Variants in TBC1D5 observed in about 807,000 individuals in gnomAD.
TBC1D5 encodes the protein TBC1 domain family member 5.
TBC1D5 carries 75 observed loss-of-function variants against 100.3 expected under a neutral mutation model. That is an observed-to-expected ratio of 0.75 (90% CI 0.62 to 0.91). The LOEUF (loss-of-function observed/expected upper bound fraction) is 0.91, where lower values mean the gene tolerates loss of function less well. TBC1D5 is among the 40% of genes least tolerant of loss of function. The pLI is 0.00. For synonymous variants in TBC1D5, 323 were observed against 325.6 expected (o/e 0.99, Z 0.09); for missense variants, 910 against 942.4 (o/e 0.97, Z 0.45).
intron 13 of TBC1D5, among the ~76,000 whole-genome samples, chr3:17,363,537 ATTTTTTCTT>A (rs2091886001): frequency 2.7e-5 from 4 of 150,380 alleles, no homozygotes; most frequent in Admixed American, 2.6e-4. Flanking sequence ...TACCTGGCTA[ATTTTTTCTT>A]TTTTTTCTTT....
chr3:17,174,366 C>T (rs2067485269), intron 19 of TBC1D5, among the ~76,000 whole-genome samples: 1 of 152,090 alleles, frequency 6.6e-6, no homozygotes, highest in Non-Finnish European at 1.5e-5. Flanking sequence ...ACTTTGAAAC[C>T]CCACTGCTCC....
At chr3:17,220,971 G>C (rs1326937259) in intron 17 of TBC1D5, among the ~76,000 whole-genome samples, 4 of 152,114 alleles carry the variant, frequency 2.6e-5, no homozygotes, top group Non-Finnish European at 5.9e-5. Flanking sequence ...TACCCCTCCA[G>C]TGTTAGTGAT....
chr3:17,701,210 T>C (rs765900758), intron 1 of TBC1D5, among the ~76,000 whole-genome samples: 16 of 152,114 alleles, frequency 1.1e-4, no homozygotes, highest in South Asian at 2.1e-4. Flanking sequence ...ACCATCATTC[T>C]CAGCAAACTA....
chr3:17,390,200 G>A (rs1375105400), intron 8 of TBC1D5, among the ~76,000 whole-genome samples: 1 of 152,058 alleles, frequency 6.6e-6, no homozygotes, highest in Non-Finnish European at 1.5e-5. Flanking sequence ...TGAAAAGTGA[G>A]GGATGGAGAA....
chr3:17,705,044 CG>C (rs2073861382), intron 1 of TBC1D5, among the ~76,000 whole-genome samples: 1 of 114,278 alleles, frequency 8.8e-6, no homozygotes, highest in South Asian at 3.2e-4. Flanking sequence ...GCTGGCCAGG[CG>C]GGGGGCTGAC....
chr3:17,732,591 T>G (rs1032063309), intron 1 of TBC1D5, among the ~76,000 whole-genome samples: 9 of 151,132 alleles, frequency 6.0e-5, no homozygotes, highest in African/African-American at 2.2e-4. Context: ...ATACAAAAAT[T>G]TGCCAGGCCT....
intron 1 of TBC1D5, among the ~76,000 whole-genome samples, chr3:17,655,568 T>TAA (rs2065986422): frequency 6.6e-6 from 1 of 152,112 alleles, no homozygotes; most frequent in South Asian, 2.1e-4. Flanking sequence ...ATACTATATA[T>TAA]AACCATAATC....
chr3:17,555,159 T>C (rs1039734182), intron 2 of TBC1D5, among the ~76,000 whole-genome samples: 1 of 152,172 alleles, frequency 6.6e-6, no homozygotes, highest in Non-Finnish European at 1.5e-5. Flanking sequence ...TTGTGCTTTT[T>C]TTTTTCTAAT....
intron 15 of TBC1D5, among the ~76,000 whole-genome samples, chr3:17,269,159 G>A (rs1397734903): frequency 2.0e-5 from 3 of 152,162 alleles, no homozygotes; most frequent in Admixed American, 6.6e-5. Flanking sequence ...CTGGATAGGA[G>A]TAACATTTAG....
At chr3:17,250,799 C>T (rs1250499784) in intron 16 of TBC1D5, among the ~76,000 whole-genome samples, 3 of 152,206 alleles carry the variant, frequency 2.0e-5, no homozygotes, top group Admixed American at 2.0e-4. Context: ...GAAATTCTCA[C>T]TTCCTGATGT....
chr3:17,341,615 T>C (rs925569877), intron 13 of TBC1D5, among the ~76,000 whole-genome samples: 2 of 152,162 alleles, frequency 1.3e-5, no homozygotes, highest in African/African-American at 4.8e-5. Flanking sequence ...GATTCAATTC[T>C]TGGGAGGCTG....
Position 17,300,955 on chromosome 3 carries a change from C to T in TBC1D5, c.1138+7037G>A, listed in dbSNP as rs571964708. Among the ~76,000 whole-genome samples, 27 of 151,322 alleles carry T rather than the reference C, an allele frequency of 1.8e-4. 1 individual carries two copies. The highest frequency in any genetic ancestry group is 1.7e-3 in the South Asian group (8 of 4,774). On this transcript the variant is annotated intron_variant, in intron 14 of 21. Coordinates refer to ENST00000253692, the Ensembl canonical transcript of TBC1D5. The stretch of plus-strand genomic sequence containing the variant: ...GGCGTGGTGGCATGCTCCTGTAATC[C>T]AGCTACTTGGGAGGCTGAGGCAGGA...
intron 1 of TBC1D5, among the ~76,000 whole-genome samples, chr3:17,660,909 T>C (rs917707796): frequency 6.6e-6 from 1 of 152,174 alleles, no homozygotes; most frequent in Non-Finnish European, 1.5e-5. Context: ...AACCTGGAAA[T>C]AGCTTTAATA....
chr3:17,685,310 A>G (rs1042712261), intron 1 of TBC1D5, among the ~76,000 whole-genome samples: 2 of 152,088 alleles, frequency 1.3e-5, no homozygotes, highest in South Asian at 2.1e-4. Flanking sequence ...GTAACAATGC[A>G]GCGTCTAAAA....
chr3:17,495,106 TCCAATGAGAGAACCTGGATA>T (rs1028656445), intron 3 of TBC1D5, among the ~76,000 whole-genome samples: 6 of 152,312 alleles, frequency 3.9e-5, no homozygotes, highest in African/African-American at 1.4e-4. Flanking sequence ...CCTAGTCAGT[TCCAATGAGAGAACCTGGATA>T]CCTCTGTTGA....
intron 2 of TBC1D5, among the ~76,000 whole-genome samples, chr3:17,523,968 G>T (rs1246289122): frequency 1.3e-5 from 2 of 152,036 alleles, no homozygotes; most frequent in Non-Finnish European, 2.9e-5. Flanking sequence ...ACTTTTTAGG[G>T]GTGCAATGAT....
At chr3:17,248,734 G>C (rs1219191219) in intron 16 of TBC1D5, among the ~76,000 whole-genome samples, 1 of 152,148 alleles carries the variant, frequency 6.6e-6, no homozygotes, top group African/African-American at 2.4e-5. Context: ...GTGACACAGA[G>C]AGACAGGCTG....
At chr3:17,430,241 A>G (rs1003873729) in intron 3 of TBC1D5, among the ~76,000 whole-genome samples, 2 of 151,900 alleles carry the variant, frequency 1.3e-5, no homozygotes, top group East Asian at 3.9e-4. Flanking sequence ...TCAGCATAGA[A>G]TAAGTACTAT....
At chr3:17,285,459 A>T (rs2081088469) in intron 15 of TBC1D5, among the ~76,000 whole-genome samples, 1 of 151,290 alleles carries the variant, frequency 6.6e-6, no homozygotes, top group Non-Finnish European at 1.5e-5. Flanking sequence ...ACGGGGTTTC[A>T]CCGTGTTAGC....
Sources: allele counts gnomAD v4.1 joint callset (sites outside exome capture counted in the v4.1 genomes callset), GRCh38; gene constraint gnomAD v4.1.1; transcripts MANE v1.5; gene names NCBI Gene and HGNC (gene_info 2026-07-23, HGNC 2026-07-21).